The following COQ8A variants were observed in gnomAD, a reference collection of about 807,000 sequenced individuals.
COQ8A encodes the protein atypical kinase COQ8A, mitochondrial.
In COQ8A, 51 loss-of-function variants were observed where a neutral mutation model predicts 65.0. That is an observed-to-expected ratio of 0.78 (90% CI 0.63 to 0.99). COQ8A has a LOEUF of 0.99. COQ8A is among the 50% of genes least tolerant of loss of function. The probability of loss-of-function intolerance (pLI) is 0.00; values close to 1 mark genes in which losing one functional copy is unlikely to be tolerated. For synonymous variants in COQ8A, 371 were observed against 353.2 expected (o/e 1.05, Z -0.57); for missense variants, 940 against 875.0 (o/e 1.07, Z -0.94).
intron 1 of COQ8A, among the ~76,000 whole-genome samples, chr1:226,959,630 T>A (rs1390098040): frequency 1.3e-5 from 2 of 152,250 alleles, no homozygotes; most frequent in Non-Finnish European, 2.9e-5. Context: ...ATTAGCAGTC[T>A]GTGTTTATTG....
chr1:226,982,515 G>A, intron 6 of COQ8A, 163 bp from the exon 7 acceptor site: 1 of 794,754 alleles, frequency 1.3e-6, no homozygotes, highest in South Asian at 1.4e-5. Context: ...GGGAAGCTGA[G>A]TGGCCGAGGG....
chr1:226,947,605 G>A (rs1269763511), intron 1 of COQ8A, among the ~76,000 whole-genome samples: 3 of 152,076 alleles, frequency 2.0e-5, no homozygotes, highest in South Asian at 2.1e-4. Flanking sequence ...TCGGGGGTTC[G>A]AGACCAGCCT....
intron 4 of COQ8A, among the ~76,000 whole-genome samples, chr1:226,970,165 C>T (rs1009277585): frequency 6.6e-5 from 10 of 152,176 alleles, no homozygotes; most frequent in African/African-American, 2.4e-4. Context: ...GTTGGCCAGG[C>T]TGTTCTTGAA....
intron 11 of COQ8A, 83 bp downstream of exon 11, chr1:226,984,318 C>T: frequency 6.3e-7 from 1 of 1,588,746 alleles, no homozygotes; most frequent in African/African-American, 1.3e-5. Flanking sequence ...GAGCTGGGGA[C>T]TTGGAGCCCT....
At chr1:226,960,885 G>A (rs188436852) in intron 1 of COQ8A, among the ~76,000 whole-genome samples, 1 of 152,214 alleles carries the variant, frequency 6.6e-6, no homozygotes, top group East Asian at 1.9e-4. Flanking sequence ...GGCAGCCTCA[G>A]CCCCTGTGGG....
chr1:226,940,340 G>C lies in COQ8A; in HGVS notation c.-69G>C, dbSNP rs1656611269. 6.6e-6 allele frequency: 1 copy of C among 152,424 alleles called. No homozygotes were observed. The highest frequency in any genetic ancestry group is 1.5e-5 in the Non-Finnish European group (1 of 68,230). 9.4% of individuals were successfully genotyped at this position (152,424 alleles called of 1,614,324 possible). On this transcript the variant is annotated 5_prime_UTR_variant, in exon 1 of 15. Transcript: ENST00000366777. ...CGGGCGTCAGCGCGGTGGCCAGCGC[G>C]CAGAGGCGGGCGCGGAGGCGGCTAG...
At position 226,949,573 on chromosome 1, in the gene COQ8A, T is replaced by G. The variant is rs1657250002; in HGVS notation, c.-10+9174T>G. 6.6e-6 allele frequency among the ~76,000 whole-genome samples: 1 copy of G among 152,092 alleles called. No homozygotes were observed. The highest frequency in any genetic ancestry group is 1.5e-5 in the Non-Finnish European group (1 of 68,014). Reference sequence around the variant, plus strand: ...TGGACTGCCTCTCCTGAATGATGCCTCATACCACAGCACTAAATAAACCAC... The same window carrying G: ...TGGACTGCCTCTCCTGAATGATGCCGCATACCACAGCACTAAATAAACCAC... On this transcript the variant is annotated intron_variant, in intron 1 of 14. Transcript: ENST00000366777. The surrounding 1 kb of genome is among the most constrained non-coding windows in gnomAD (Gnocchi z 4.0).
Position 226,948,853 on chromosome 1 carries a change from A to T in COQ8A, c.-10+8454A>T, listed in dbSNP as rs191972694. On this transcript the variant is annotated intron_variant, in intron 1 of 14. Coordinates refer to ENST00000366777, the MANE Select transcript of COQ8A (RefSeq NM_020247.5). ...AGCTGTCAGGAGAACGTAAATATGGAAGAGCTGGGAATCAAGGGCCTGAAT... is the reference window on the plus strand; with the variant it reads ...AGCTGTCAGGAGAACGTAAATATGGTAGAGCTGGGAATCAAGGGCCTGAAT... Among the ~76,000 whole-genome samples the T allele has an allele frequency of 4.6e-3, 698 of 152,314 alleles. 4 individuals are homozygous for T. The highest frequency in any genetic ancestry group is 0.016 in the African/African-American group (671 of 41,568).
At chr1:226,984,021 T>C in intron 10 of COQ8A, 73 bp from the exon 11 acceptor site, 1 of 1,386,688 alleles carries the variant, frequency 7.2e-7, no homozygotes. Flanking sequence ...TCTGCCTGGT[T>C]GGGGGGTGTG....
At chr1:226,950,809 A>G (rs912370338) in intron 1 of COQ8A, among the ~76,000 whole-genome samples, 1 of 152,162 alleles carries the variant, frequency 6.6e-6, no homozygotes, top group Non-Finnish European at 1.5e-5. Context: ...CCTGCTTTCA[A>G]CAAGCTCTTG....
intron 1 of COQ8A, among the ~76,000 whole-genome samples, chr1:226,953,645 G>A (rs534350710): frequency 2.6e-5 from 4 of 152,324 alleles, no homozygotes; most frequent in Non-Finnish European, 4.4e-5. Context: ...GACGGGGGAA[G>A]GACGGAGGCT....
chr1:226,978,056 C>T (rs1659361571), intron 5 of COQ8A, among the ~76,000 whole-genome samples: 1 of 150,268 alleles, frequency 6.7e-6, no homozygotes, highest in Admixed American at 6.6e-5. Flanking sequence ...TGCACACCCA[C>T]CGAACACCCG....
At chr1:226,961,319 T>C in intron 1 of COQ8A, 58 bp from the exon 2 acceptor site, 1 of 1,582,282 alleles carries the variant, frequency 6.3e-7, no homozygotes, top group South Asian at 1.1e-5. Context: ...GAGTTGGTAG[T>C]GTGGGTTTGG....
chr1:226,976,339 A>ACTGCGGGG, intron 4 of COQ8A, among the ~76,000 whole-genome samples: 1 of 111,612 alleles, frequency 9.0e-6, no homozygotes, highest in Non-Finnish European at 1.8e-5. Context: ...GGGCTGCGGG[A>ACTGCGGGG]CTGCGGGGCT....
At chr1:226,984,442 A>AG in intron 11 of COQ8A, 106 bp from the exon 12 acceptor site, 2 of 1,295,232 alleles carry the variant, frequency 1.5e-6, no homozygotes, top group Non-Finnish European at 2.2e-6. Flanking sequence ...AACAGTCCCT[A>AG]GGGTAGGGTG....
At position 226,987,126 on chromosome 1, in the gene COQ8A, T is replaced by C. The variant is rs1660166898; in HGVS notation, c.*389T>C. 1 of 301,546 alleles carries C rather than the reference T, an allele frequency of 3.3e-6. No homozygotes were observed. The highest frequency in any genetic ancestry group is 6.4e-6 in the Non-Finnish European group (1 of 155,462). The allele number at this position is 301,546 out of a possible 1,614,324, so 18.7% of individuals were successfully genotyped here. Reference sequence around the variant, plus strand: ...ATGAACAGATACGATTGTGGGATTTTATCATCTGTGTAGTAGGTGTGTGTA... The same window carrying C: ...ATGAACAGATACGATTGTGGGATTTCATCATCTGTGTAGTAGGTGTGTGTA... On this transcript the variant is annotated 3_prime_UTR_variant, in exon 15 of 15. Transcript: ENST00000366777.
At chr1:226,976,492 A>T (rs1283104686) in intron 4 of COQ8A, among the ~76,000 whole-genome samples, 6 of 152,052 alleles carry the variant, frequency 3.9e-5, no homozygotes, top group Non-Finnish European at 8.8e-5. Context: ...AGGCCGGCTC[A>T]TCGTGCGGCC....
intron 1 of COQ8A, among the ~76,000 whole-genome samples, chr1:226,942,620 CTG>C (rs1385598328): frequency 1.3e-5 from 2 of 152,148 alleles, no homozygotes; most frequent in African/African-American, 4.8e-5. Context: ...TCAGACAGCT[CTG>C]TGTCTTGTGA....
intron 6 of COQ8A, 143 bp from the exon 7 acceptor site, chr1:226,982,535 G>C: frequency 1.1e-6 from 1 of 913,160 alleles, no homozygotes; most frequent in Non-Finnish European, 1.8e-6. Flanking sequence ...GCGTGTGTGC[G>C]AGGGCTCCTG....
Sources: allele counts gnomAD v4.1 joint callset (sites outside exome capture counted in the v4.1 genomes callset), GRCh38; gene constraint gnomAD v4.1.1; non-coding constraint Gnocchi (gnomAD v3.1); transcripts MANE v1.5; gene names NCBI Gene and HGNC (gene_info 2026-07-23, HGNC 2026-07-21).